The following DST variants were observed in gnomAD, a reference collection of about 807,000 sequenced individuals.
DST encodes the protein bullous pemphigoid antigen.
In DST, 253 loss-of-function variants were observed where a neutral mutation model predicts 875.2. The ratio of observed to expected loss-of-function variants is 0.29; its 90% CI spans 0.26 to 0.32. The LOEUF is 0.32. Among genes scored for constraint, DST ranks in the 10% least tolerant of loss-of-function variants. DST has a pLI of 1.00. For missense variants in DST, 8,287 were observed against 9,111.6 expected (o/e 0.91, Z 3.68); for synonymous variants, 3,124 against 3,197.1 (o/e 0.98, Z 0.77).
chr6:56,480,708 G>A (rs2095372536), intron 90 of DST, among the ~76,000 whole-genome samples: 1 of 152,144 alleles, frequency 6.6e-6, no homozygotes, highest in South Asian at 2.1e-4. Flanking sequence ...AAAATAATTT[G>A]TTGTAAAAAC....
At chr6:56,927,160 G>A (rs1430134119) in intron 2 of DST, among the ~76,000 whole-genome samples, 1 of 152,054 alleles carries the variant, frequency 6.6e-6, no homozygotes, top group African/African-American at 2.4e-5. Flanking sequence ...AACTAGCTCA[G>A]CTAATGCAGA....
At chr6:56,718,277 A>T (rs2099401899) in intron 5 of DST, among the ~76,000 whole-genome samples, 1 of 152,178 alleles carries the variant, frequency 6.6e-6, no homozygotes, top group South Asian at 2.1e-4. Context: ...CTCACCAAAG[A>T]ATGTACACAA....
intron 5 of DST, among the ~76,000 whole-genome samples, chr6:56,718,777 ATAT>A (rs1353052353): frequency 5.3e-5 from 8 of 152,356 alleles, no homozygotes; most frequent in Admixed American, 4.6e-4. Flanking sequence ...AACCTCAAAA[ATAT>A]TATGCTAACT....
intron 4 of DST, among the ~76,000 whole-genome samples, chr6:56,820,254 GA>G (rs1273620062): frequency 6.6e-6 from 1 of 152,208 alleles, no homozygotes; most frequent in Non-Finnish European, 1.5e-5. Flanking sequence ...ATAATTCACA[GA>G]AAACACTTAT....
At chr6:56,463,884 TC>T (rs755074416) in intron 100 of DST, 120 bp from the exon 101 acceptor site, 2 of 1,073,940 alleles carry the variant, frequency 1.9e-6, no homozygotes, top group Non-Finnish European at 2.9e-6. Flanking sequence ...TTCAAGAACA[TC>T]TTTTTGCCAT....
chr6:56,932,419 T>C (rs1355322110), intron 2 of DST, among the ~76,000 whole-genome samples: 1 of 152,058 alleles, frequency 6.6e-6, no homozygotes, highest in Non-Finnish European at 1.5e-5. Flanking sequence ...AGTGGACTAA[T>C]AGAGGGGCAT....
Position 56,651,160 on chromosome 6 carries a change from A to C in DST, c.1299T>G (p.Ile433Met), listed in dbSNP as rs755939867. 1.2e-6 allele frequency: 2 copies of C among 1,612,748 alleles called. No homozygotes were observed. The highest frequency in any genetic ancestry group is 1.7e-5 in the Admixed American group (1 of 59,898). Residue 433 changes from isoleucine (I) to methionine (M), a missense_variant, in exon 11 of 104, where the codon ATT becomes ATG. Physicochemically the swap from Ile to Met is conservative, Grantham distance 10 (BLOSUM62 1). Coordinates refer to ENST00000680361, the MANE Select transcript of DST (RefSeq NM_001374736.1). ...LEHAFYVAEK[I>M]GVIRLLDPED... ...CAGGGTCCAGAAGTCTTATAACACCAATTTTTTCTGCTACGTAAAAAGCAT... is the reference window on the plus strand; with the variant it reads ...CAGGGTCCAGAAGTCTTATAACACCCATTTTTTCTGCTACGTAAAAAGCAT...
intron 2 of DST, among the ~76,000 whole-genome samples, chr6:56,914,264 A>T (rs1157727736): frequency 1.3e-5 from 2 of 152,212 alleles, no homozygotes; most frequent in Admixed American, 1.3e-4. Flanking sequence ...CATCCATATT[A>T]AAATTAAAAG....
At chr6:56,777,371 A>G (rs1450737048) in intron 4 of DST, among the ~76,000 whole-genome samples, 4 of 152,226 alleles carry the variant, frequency 2.6e-5, no homozygotes, top group African/African-American at 9.6e-5. Context: ...CTTAAAGAAT[A>G]TTACTTACTA....
In DST at chr6:56,600,092, T is replaced by G; in HGVS notation, c.11671A>C (p.Lys3891Gln). ...ACCTCTTGCTTGGACTGATATTTCT[T>G]TAACTCAACTGTGCCATCTCCAATC... ...FMIGDGTVELKKYQSKQEELQ... is the reference protein window; with the variant it reads ...FMIGDGTVELQKYQSKQEELQ... Residue 3891 changes from lysine to glutamine, a missense_variant, in exon 45 of 104, where the codon AAG becomes CAG. Lys to Gln is a moderately conservative substitution (Grantham distance 53). Coordinates refer to ENST00000680361, the MANE Select transcript of DST (RefSeq NM_001374736.1). 1 of 1,612,596 alleles carries G rather than the reference T, an allele frequency of 6.2e-7. No homozygotes were observed. Among genetic ancestry groups the G allele is most frequent in the South Asian group, 1.1e-5 (1 of 90,876 alleles).
At chr6:56,686,712 T>C (rs1255741124) in intron 9 of DST, among the ~76,000 whole-genome samples, 1 of 152,202 alleles carries the variant, frequency 6.6e-6, no homozygotes, top group Non-Finnish European at 1.5e-5. Context: ...GCTCTGGTTA[T>C]ACAGAATGCT....
intron 47 of DST, among the ~76,000 whole-genome samples, chr6:56,597,114 C>T (rs1384366834): frequency 6.6e-6 from 1 of 152,050 alleles, no homozygotes; most frequent in Admixed American, 6.6e-5. Context: ...GCAGCACAGA[C>T]CTGTAGTCCC....
chr6:56,721,015 G>C (rs578083770), intron 5 of DST, among the ~76,000 whole-genome samples: 75 of 139,796 alleles, frequency 5.4e-4, no homozygotes, highest in South Asian at 3.4e-3. Context: ...GCTGCCGGGC[G>C]GGGGCAGCCC....
intron 4 of DST, among the ~76,000 whole-genome samples, chr6:56,821,488 G>C (rs1306342756): frequency 6.6e-6 from 1 of 152,144 alleles, no homozygotes; most frequent in African/African-American, 2.4e-5. Flanking sequence ...TGATTAAGTG[G>C]AAAAAGCATT....
At chr6:56,642,613 A>T in intron 15 of DST, 110 bp from the exon 16 acceptor site, 1 of 1,614,128 alleles carries the variant, frequency 6.2e-7, no homozygotes, top group South Asian at 1.1e-5. Context: ...CACACCAATG[A>T]TTCAATACCT....
intron 4 of DST, among the ~76,000 whole-genome samples, chr6:56,780,843 G>C (rs1176075882): frequency 6.6e-6 from 1 of 151,910 alleles, no homozygotes; most frequent in African/African-American, 2.4e-5. Flanking sequence ...TTTCTTCTAG[G>C]GTTTTTATGG....
At chr6:56,885,364 ATGCT>A (rs1784258087) in intron 3 of DST, among the ~76,000 whole-genome samples, 1 of 152,208 alleles carries the variant, frequency 6.6e-6, no homozygotes, top group Non-Finnish European at 1.5e-5. Context: ...TCATATGATA[ATGCT>A]ATTTTTTAAT....
chr6:56,690,842 C>G (rs1227296568), intron 9 of DST, among the ~76,000 whole-genome samples: 6 of 152,174 alleles, frequency 3.9e-5, no homozygotes, highest in Non-Finnish European at 8.8e-5. Flanking sequence ...TCCAAGGTAA[C>G]AGGAAGAATG....
At chr6:56,523,194 G>C (rs964578054) in intron 69 of DST, among the ~76,000 whole-genome samples, 3 of 151,968 alleles carry the variant, frequency 2.0e-5, no homozygotes, top group African/African-American at 7.3e-5. Context: ...AGATTTGGGG[G>C]ACTGGTGGGT....
Sources: gnomAD v4.1 joint callset for allele counts (sites outside exome capture counted in the v4.1 genomes callset) on GRCh38, gnomAD v4.1.1 for gene constraint, MANE v1.5 for transcripts, NCBI Gene and HGNC (gene_info 2026-07-23, HGNC 2026-07-21) for gene names.